ENOX1: variants seen among roughly 807,000 people sequenced by gnomAD.
ENOX1 encodes ecto-NOX disulfide-thiol exchanger 1, also known as candidate growth-related and time keeping constitutive hydroquinone (NADH) oxidase.
Under a neutral mutation model 82.5 loss-of-function variants are expected in ENOX1, and 42 were observed. That is an observed-to-expected ratio of 0.51 (90% CI 0.40 to 0.66). ENOX1 has a LOEUF of 0.66. Ranked by LOEUF, ENOX1 falls within the 30% of genes least tolerant of loss-of-function variation. ENOX1 has a pLI of 0.00. For synonymous variants in ENOX1, 271 were observed against 282.2 expected (o/e 0.96, Z 0.40); for missense variants, 608 against 811.6 (o/e 0.75, Z 3.05).
chr13:43,263,440 T>C (rs577085538), intron 14 of ENOX1, among the ~76,000 whole-genome samples: 2 of 152,328 alleles, frequency 1.3e-5, no homozygotes, highest in African/African-American at 4.8e-5. Flanking sequence ...TAGACAGGTA[T>C]CTTAAAAAAG....
intron 2 of ENOX1, among the ~76,000 whole-genome samples, chr13:43,503,570 T>C (rs1007197949): frequency 6.6e-6 from 1 of 151,538 alleles, no homozygotes; most frequent in Non-Finnish European, 1.5e-5. Context: ...GAATCCAGAA[T>C]AAACCCAGGC....
intron 2 of ENOX1, among the ~76,000 whole-genome samples, chr13:43,521,081 G>C (rs567718350): frequency 6.6e-6 from 1 of 152,058 alleles, no homozygotes; most frequent in East Asian, 1.9e-4. Context: ...ACAAAACCCA[G>C]AACAGCATAC....
In ENOX1 at chr13:43,360,147, T is replaced by C. The variant is rs2050405762; in HGVS notation, c.383-90A>G. 59 of 1,161,420 alleles carry C rather than the reference T, an allele frequency of 5.1e-5. No homozygotes were observed. The South Asian group carries it at 8.1e-4, about 16-fold the overall frequency. 71.9% of individuals were successfully genotyped at this position (1,161,420 alleles called of 1,614,324 possible). ...CAAAACTAAAGCTTGCAGAGTAACT[T>C]TCTCCAGACTGAGTGACGGTAAATT... On this transcript the variant is annotated intron_variant, in intron 6 of 16. Coordinates refer to ENST00000690772, the MANE Select transcript of ENOX1 (RefSeq NM_001347969.2).
chr13:43,455,954 T>C (rs1216846465), intron 3 of ENOX1, among the ~76,000 whole-genome samples: 1 of 152,190 alleles, frequency 6.6e-6, no homozygotes, highest in African/African-American at 2.4e-5. Flanking sequence ...TTTAAGTAAA[T>C]TACTCAATCT....
chr13:43,279,574 G>A (rs775058345), intron 12 of ENOX1, among the ~76,000 whole-genome samples: 52 of 152,128 alleles, frequency 3.4e-4, no homozygotes, highest in Non-Finnish European at 6.5e-4. Flanking sequence ...GTCATCTCAG[G>A]TTCCCGTTTT....
rs561660271 is a variant in ENOX1 at position 43,625,142 on chromosome 13, C to T, written c.-219+42337G>A. Among the ~76,000 whole-genome samples, 17 of 152,088 alleles carry T rather than the reference C, an allele frequency of 1.1e-4. No individual in the cohort carries two copies. The East Asian group carries it at 2.5e-3, about 22-fold the overall frequency. ...TTTTTAGAGCAATTGTAAATGGTAT[C>T]ATATTTTTCAATTTCTGTGTCAATG... On this transcript the variant is annotated intron_variant, in intron 2 of 16. Coordinates refer to ENST00000690772, the MANE Select transcript of ENOX1 (RefSeq NM_001347969.2).
At chr13:43,263,805 C>G (rs2044217237) in intron 14 of ENOX1, among the ~76,000 whole-genome samples, 1 of 152,182 alleles carries the variant, frequency 6.6e-6, no homozygotes, top group African/African-American at 2.4e-5. Context: ...TCCCTGGAAG[C>G]CACAGAGGGA....
intron 1 of ENOX1, among the ~76,000 whole-genome samples, chr13:43,782,554 G>A (rs991643690): frequency 4.6e-5 from 7 of 152,204 alleles, no homozygotes; most frequent in Admixed American, 1.3e-4. Flanking sequence ...ACTAAAGTAC[G>A]TCTTTTCTGG....
At chr13:43,664,985 C>A (rs2084909411) in intron 2 of ENOX1, among the ~76,000 whole-genome samples, 1 of 152,224 alleles carries the variant, frequency 6.6e-6, no homozygotes, top group African/African-American at 2.4e-5. Context: ...CCCCCAGGAA[C>A]ACAAAATCTC....
intron 2 of ENOX1, among the ~76,000 whole-genome samples, chr13:43,602,519 A>T (rs1041610456): frequency 6.6e-6 from 1 of 152,128 alleles, no homozygotes. Flanking sequence ...ACTGGCCAAC[A>T]TTTTTATTTT....
chr13:43,475,347 G>A (rs917649411), intron 3 of ENOX1, among the ~76,000 whole-genome samples: 2 of 152,086 alleles, frequency 1.3e-5, no homozygotes, highest in African/African-American at 4.8e-5. Context: ...GGGAACGTGT[G>A]CCAACATTTC....
chr13:43,388,909 A>C lies in ENOX1; in HGVS notation c.208+23007T>G, dbSNP rs57811170. Among the ~76,000 whole-genome samples the C allele has an allele frequency of 8.5e-3, 1,293 of 152,240 alleles. 17 individuals are homozygous for C. Among genetic ancestry groups the C allele is most frequent in the African/African-American group, 0.03 (1,235 of 41,558 alleles). On this transcript the variant is annotated intron_variant, in intron 5 of 16. Transcript: ENST00000690772. ...GCCTAATTATTAACTAGCAGGTGAAAAGAACAGAAAAAAAACCACTGGTGC... is the reference window on the plus strand; with the variant it reads ...GCCTAATTATTAACTAGCAGGTGAACAGAACAGAAAAAAAACCACTGGTGC...
intron 1 of ENOX1, among the ~76,000 whole-genome samples, chr13:43,723,771 C>G (rs1022422566): frequency 6.7e-6 from 1 of 149,854 alleles, no homozygotes; most frequent in Admixed American, 6.7e-5. Flanking sequence ...ATGCCTGAAT[C>G]TACACACACA....
In ENOX1 at chr13:43,727,031, G is replaced by C. The variant is rs533869979; in HGVS notation, c.-284-59487C>G. On this transcript the variant is annotated intron_variant, in intron 1 of 16. Transcript: ENST00000690772. ...TGCTGGGATTACAGGCGTGTGCATGGATTTTTGTCTCAAATCCAAAGTGAT... is the reference window on the plus strand; with the variant it reads ...TGCTGGGATTACAGGCGTGTGCATGCATTTTTGTCTCAAATCCAAAGTGAT... Among the ~76,000 whole-genome samples, 4 of 152,176 alleles carry C rather than the reference G, an allele frequency of 2.6e-5. No individual in the cohort carries two copies. In the East Asian group the frequency reaches 7.8e-4, roughly 30 times the overall value.
At chr13:43,562,064 A>G (rs527324208) in intron 2 of ENOX1, among the ~76,000 whole-genome samples, 2 of 152,094 alleles carry the variant, frequency 1.3e-5, no homozygotes, top group Non-Finnish European at 2.9e-5. Context: ...ATGGGGAGCA[A>G]CATGGCCAAA....
intron 5 of ENOX1, among the ~76,000 whole-genome samples, chr13:43,370,093 C>A (rs987436520): frequency 6.6e-6 from 1 of 152,156 alleles, no homozygotes; most frequent in African/African-American, 2.4e-5. Flanking sequence ...TTGGGCCGGG[C>A]GCGGTGGCTC....
chr13:43,481,353 C>T (rs910252051), intron 3 of ENOX1, among the ~76,000 whole-genome samples: 2 of 152,032 alleles, frequency 1.3e-5, no homozygotes, highest in East Asian at 3.9e-4. Context: ...CAGAAATAAA[C>T]CCATATATAT....
chr13:43,762,415 G>A (rs984761413), intron 1 of ENOX1, among the ~76,000 whole-genome samples: 1 of 151,502 alleles, frequency 6.6e-6, no homozygotes, highest in Non-Finnish European at 1.5e-5. Context: ...TTCACAATCA[G>A]ATTTGAGTTT....
chr13:43,432,842 C>T (rs987170367), intron 3 of ENOX1, among the ~76,000 whole-genome samples: 4 of 151,972 alleles, frequency 2.6e-5, no homozygotes, highest in Non-Finnish European at 5.9e-5. Flanking sequence ...GGGATTCAGA[C>T]ACTATTACCT....
Sources: gnomAD v4.1 joint callset for allele counts (sites outside exome capture counted in the v4.1 genomes callset) on GRCh38, gnomAD v4.1.1 for gene constraint, MANE v1.5 for transcripts, NCBI Gene and HGNC (gene_info 2026-07-23, HGNC 2026-07-21) for gene names.